Variants in PIAS1 observed in about 807,000 individuals in gnomAD.
PIAS1 encodes protein inhibitor of activated STAT 1, also known as E3 SUMO-protein ligase PIAS1.
A neutral mutation model predicts 71.3 loss-of-function variants in PIAS1; 6 were observed. That is an observed-to-expected ratio of 0.08 (90% CI 0.05 to 0.17). The LOEUF is 0.17. PIAS1 is among the 10% of genes least tolerant of loss of function. The pLI is 1.00. For synonymous variants in PIAS1, 303 were observed against 292.9 expected (o/e 1.03, Z -0.35); for missense variants, 555 against 793.6 (o/e 0.70, Z 3.61).
chr15:68,164,516 A>G (rs373691835), intron 7 of PIAS1, among the ~76,000 whole-genome samples: 5 of 152,212 alleles, frequency 3.3e-5, no homozygotes, highest in Non-Finnish European at 7.4e-5. Flanking sequence ...TAGGAAATTT[A>G]TAGGAAACAT....
intron 11 of PIAS1, among the ~76,000 whole-genome samples, chr15:68,177,260 C>A (rs1443945405): frequency 8.9e-5 from 10 of 112,718 alleles, no homozygotes; most frequent in African/African-American, 3.4e-4. Flanking sequence ...GCCTGGGCAA[C>A]AGAGCGAGAC....
chr15:68,121,558 T>C (rs567931427), intron 2 of PIAS1, among the ~76,000 whole-genome samples: 4 of 152,122 alleles, frequency 2.6e-5, no homozygotes, highest in Non-Finnish European at 5.9e-5. Context: ...CTTTTTCTTC[T>C]GTATTTCTGG....
chr15:68,128,205 G>A (rs527419139), intron 2 of PIAS1, among the ~76,000 whole-genome samples: 133 of 152,140 alleles, frequency 8.7e-4, no homozygotes, highest in African/African-American at 3.0e-3. Flanking sequence ...TCACTCTGCC[G>A]CCCATACTAG....
intron 1 of PIAS1, among the ~76,000 whole-genome samples, chr15:68,082,858 G>A (rs2092241255): frequency 6.6e-6 from 1 of 152,120 alleles, no homozygotes; most frequent in Non-Finnish European, 1.5e-5. Flanking sequence ...TGTGGGGTAT[G>A]TTAAAGGGGG....
At chr15:68,149,618 A>G (rs956966403) in intron 6 of PIAS1, among the ~76,000 whole-genome samples, 6 of 151,970 alleles carry the variant, frequency 3.9e-5, no homozygotes, top group Non-Finnish European at 7.4e-5. Context: ...TATTACTGCT[A>G]TTATAAAAAG....
At chr15:68,181,762 G>A (rs1488062261) in intron 12 of PIAS1, 5 of 159,164 alleles carry the variant, frequency 3.1e-5, no homozygotes, top group South Asian at 1.7e-4. Context: ...TACAACCTCC[G>A]CCTCCCAGGT....
rs369150797 is a variant in PIAS1, at chr15:68,187,872, C to G, written c.*37C>G. Reference sequence around the variant, plus strand: ...TGCTGCTCCCATCCCCACCCCAGATCGAATGAACTTGGCAGAAAGAAGAGA... The same window carrying G: ...TGCTGCTCCCATCCCCACCCCAGATGGAATGAACTTGGCAGAAAGAAGAGA... On this transcript the variant is annotated 3_prime_UTR_variant, in exon 14 of 14. Transcript: ENST00000249636. This position sits in a 1 kb window ranked among gnomAD's most constrained non-coding sequence, Gnocchi z 5.3. 6.3e-7 allele frequency: 1 copy of G among 1,578,866 alleles called. No individual in the cohort carries two copies. Among genetic ancestry groups the G allele is most frequent in the Admixed American group, 1.7e-5 (1 of 58,156 alleles).
intron 1 of PIAS1, among the ~76,000 whole-genome samples, chr15:68,059,200 C>T (rs1597109472): frequency 6.6e-6 from 1 of 151,450 alleles, no homozygotes; most frequent in Non-Finnish European, 1.5e-5. Context: ...GTAGAGACGG[C>T]GTTTCACCGT....
chr15:68,071,546 A>G (rs909170033), intron 1 of PIAS1, among the ~76,000 whole-genome samples: 1 of 151,848 alleles, frequency 6.6e-6, no homozygotes, highest in Non-Finnish European at 1.5e-5. Flanking sequence ...AAAATAATAA[A>G]CGATAATAGA....
rs536616117 is a variant in PIAS1 at position 68,188,644 on chromosome 15, T to C, written c.*809T>C. On this transcript the variant is annotated 3_prime_UTR_variant, in exon 14 of 14. Coordinates refer to ENST00000249636, the MANE Select transcript of PIAS1 (RefSeq NM_016166.3). Reference sequence around the variant, plus strand: ...CCCCTGAGAATATGTTTTAGAGATATTGGAATAAAGCTGTCTGGGTAAGGA... The same window carrying C: ...CCCCTGAGAATATGTTTTAGAGATACTGGAATAAAGCTGTCTGGGTAAGGA... 5.3e-5 allele frequency: 8 copies of C among 152,246 alleles called. No homozygotes were observed. The highest frequency in any genetic ancestry group is 2.1e-4 in the South Asian group (1 of 4,834). The allele number at this position is 152,246 out of a possible 1,614,324, so 9.4% of individuals were successfully genotyped here.
At position 68,134,686 on chromosome 15, in the gene PIAS1, C is replaced by A. The variant is rs1402047868; in HGVS notation, c.470-7260C>A. 3.3e-4 allele frequency among the ~76,000 whole-genome samples: 14 copies of A among 42,550 alleles called. 4 individuals are homozygous for A. The highest frequency in any genetic ancestry group is 6.6e-4 in the African/African-American group (14 of 21,236). The allele number at this position is 42,550 out of a possible 152,430, so 27.9% of individuals were successfully genotyped here. On this transcript the variant is annotated intron_variant, in intron 2 of 13. Coordinates refer to ENST00000249636, the MANE Select transcript of PIAS1 (RefSeq NM_016166.3). ...GCGGGGGGATGACCCCCCCACCTCCCTCCCGGAAGGGGTGGCTGGCCGGGC... is the reference window on the plus strand; with the variant it reads ...GCGGGGGGATGACCCCCCCACCTCCATCCCGGAAGGGGTGGCTGGCCGGGC...
At chr15:68,080,511 T>C (rs1475311712) in intron 1 of PIAS1, among the ~76,000 whole-genome samples, 3 of 152,236 alleles carry the variant, frequency 2.0e-5, no homozygotes, top group African/African-American at 7.2e-5. Flanking sequence ...CAACCTGATT[T>C]GCTGCTTTGA....
At chr15:68,130,519 AAAG>A (rs2092682461) in intron 2 of PIAS1, among the ~76,000 whole-genome samples, 1 of 152,136 alleles carries the variant, frequency 6.6e-6, no homozygotes, top group Non-Finnish European at 1.5e-5. Context: ...CTTTTTAAAA[AAAG>A]AAAAACTCTG....
At position 68,187,977 on chromosome 15, in the gene PIAS1, A is replaced by T; in HGVS notation, c.*142A>T. The stretch of plus-strand genomic sequence containing the variant: ...TTTTCCTTTTTTTAGGGAAAAAATT[A>T]AAAGAAATGTACAGAGAACAAAACT... On this transcript the variant is annotated 3_prime_UTR_variant, in exon 14 of 14. Coordinates refer to ENST00000249636, the MANE Select transcript of PIAS1 (RefSeq NM_016166.3). The surrounding 1 kb of genome is among the most constrained non-coding windows in gnomAD (Gnocchi z 5.3). 5.8e-6 allele frequency: 4 copies of T among 685,088 alleles called. No homozygotes were observed. The highest frequency in any genetic ancestry group is 9.7e-6 in the Non-Finnish European group (4 of 414,288). The allele number at this position is 685,088 out of a possible 1,614,324, so 42.4% of individuals were successfully genotyped here.
rs146114696 is a variant in PIAS1 at position 68,075,078 on chromosome 15, CTTTTTTTT to C, written c.25-11209_25-11202del. Among the ~76,000 whole-genome samples the C allele has an allele frequency of 8.4e-4, 69 of 81,760 alleles. 1 individual carries two copies. The highest frequency in any genetic ancestry group is 8.9e-3 in the Middle Eastern group (1 of 112). 53.6% of individuals were successfully genotyped at this position (81,760 alleles called of 152,430 possible). The stretch of plus-strand genomic sequence containing the variant: ...ATAAAAACATTTTCTTTCTTTCTTT[CTTTTTTTT>C]TTTTTTTTTTTTTTTTTTGAGGCGG... On this transcript the variant is annotated intron_variant, in intron 1 of 13. Coordinates refer to ENST00000249636, the MANE Select transcript of PIAS1 (RefSeq NM_016166.3).
rs80349946 is a variant in PIAS1 at position 68,187,746 on chromosome 15, G to A, written c.1867G>A (p.Glu623Lys). ...SSLVSSNSLR[E>K]SHSHTVTNRS... is the part of the protein sequence containing the mutation. The stretch of plus-strand genomic sequence containing the variant: ...CCTGGTTTCTTCCAACAGCCTAAGG[G>A]AAAGCCATAGCCACACCGTCACAAA... The change falls in exon 14 of 14, where the codon GAA becomes AAA. Residue 623 changes from glutamate to lysine, a missense_variant. Transcript: ENST00000249636. This position sits in a 1 kb window ranked among gnomAD's most constrained non-coding sequence, Gnocchi z 5.3. 1 of 1,613,844 alleles carries A rather than the reference G, an allele frequency of 6.2e-7. No homozygotes were observed. Among genetic ancestry groups the A allele is most frequent in the Non-Finnish European group, 8.5e-7 (1 of 1,179,888 alleles).
chr15:68,104,463 G>A (rs2092453031), intron 2 of PIAS1, among the ~76,000 whole-genome samples: 1 of 152,092 alleles, frequency 6.6e-6, no homozygotes, highest in African/African-American at 2.4e-5. Context: ...TAATTACTGT[G>A]TCTTGCCTCT....
intron 6 of PIAS1, among the ~76,000 whole-genome samples, chr15:68,148,498 G>A (rs535771556): frequency 7.9e-4 from 120 of 151,812 alleles, no homozygotes; most frequent in African/African-American, 2.8e-3. Context: ...GCACAATCTC[G>A]GCTCATTGTA....
chr15:68,066,336 T>C (rs1003023546), intron 1 of PIAS1, among the ~76,000 whole-genome samples: 4 of 152,086 alleles, frequency 2.6e-5, no homozygotes, highest in African/African-American at 9.7e-5. Flanking sequence ...CTTGAACTGC[T>C]GACCTCAGAT....
Sources: allele counts gnomAD v4.1 joint callset (sites outside exome capture counted in the v4.1 genomes callset), GRCh38; gene constraint gnomAD v4.1.1; non-coding constraint Gnocchi (gnomAD v3.1); transcripts MANE v1.5; gene names NCBI Gene and HGNC (gene_info 2026-07-23, HGNC 2026-07-21).